ATRN: variants seen among roughly 807,000 people sequenced by gnomAD.
ATRN encodes attractin, also known as attractin-2.
ATRN carries 54 observed loss-of-function variants against 178.7 expected under a neutral mutation model. The ratio of observed to expected loss-of-function variants is 0.30; its 90% CI spans 0.24 to 0.38. The LOEUF (loss-of-function observed/expected upper bound fraction) is 0.38. Ranked by LOEUF, ATRN falls within the 10% of genes least tolerant of loss-of-function variation. The probability of loss-of-function intolerance (pLI) is 1.00; values close to 1 mark genes in which losing one functional copy is unlikely to be tolerated. For synonymous variants in ATRN, 636 were observed against 663.0 expected (o/e 0.96, Z 0.63); for missense variants, 1,443 against 1,815.1 (o/e 0.79, Z 3.73).
In ATRN at chr20:3,471,151, G is replaced by GGACGGCGGC. The variant is rs1405678685; in HGVS notation, c.51_59dup (p.Thr19_Ala21dup). ...GCAACTGAGGCAAGGCTGAGGAGGA[G>GGACGGCGGC]GACGGCGGCGACGGCAGCGCTCGCG... On this transcript the variant is annotated inframe_insertion, in exon 1 of 29. Transcript: ENST00000262919. 23 of 1,507,208 alleles carry GGACGGCGGC rather than the reference G, an allele frequency of 1.5e-5. No individual in the cohort carries two copies. The highest frequency in any genetic ancestry group is 2.0e-5 in the Non-Finnish European group (23 of 1,134,764). 93.4% of individuals were successfully genotyped at this position (1,507,208 alleles called of 1,614,324 possible).
Position 3,584,856 on chromosome 20 carries a change from A to G in ATRN, c.3160A>G (p.Asn1054Asp). ...SSMCLEDSRY[N>D]WSFIHCPACQ... ...CATGTGTCTAGAGGACAGCAGATAC[A>G]ACTGGTCTTTCATTCACTGTCCAGG... The change falls in exon 18 of 29, where the codon AAC becomes GAC. Residue 1054 changes from asparagine (N) to aspartate (D), a missense_variant. Asn to Asp is a conservative substitution (Grantham distance 23). This residue lies in a region of ATRN where 80 missense variants were observed against 71.5 expected (regional missense o/e 1.12). Transcript: ENST00000262919. 1 of 1,614,190 alleles carries G rather than the reference A, an allele frequency of 6.2e-7. No homozygotes were observed. Among genetic ancestry groups the G allele is most frequent in the Non-Finnish European group, 8.5e-7 (1 of 1,180,002 alleles).
intron 8 of ATRN, 103 bp downstream of exon 8, chr20:3,561,008 G>A (rs1390016248): frequency 2.1e-6 from 3 of 1,401,618 alleles, no homozygotes; most frequent in Non-Finnish European, 2.0e-6. Context: ...TCTTGATTCG[G>A]TACTTTATCT....
At chr20:3,536,039 A>G (rs1455630889) in intron 2 of ATRN, among the ~76,000 whole-genome samples, 2 of 151,996 alleles carry the variant, frequency 1.3e-5, no homozygotes, top group Non-Finnish European at 2.9e-5. Flanking sequence ...AATAACTGTT[A>G]TTGCCTAAAT....
At chr20:3,492,220 A>G (rs886726024) in intron 1 of ATRN, among the ~76,000 whole-genome samples, 26 of 141,220 alleles carry the variant, frequency 1.8e-4, no homozygotes, top group African/African-American at 6.4e-4. Context: ...TTCTCTGGGC[A>G]GGGAGGGGAA....
chr20:3,597,778 C>G (rs959362221), intron 21 of ATRN, 128 bp from the exon 22 acceptor site: 2 of 564,534 alleles, frequency 3.5e-6, no homozygotes, highest in African/African-American at 3.7e-5. Context: ...TTTGAGGAAC[C>G]TGGGTACAGC....
intron 1 of ATRN, among the ~76,000 whole-genome samples, chr20:3,504,688 G>GGTA (rs2085013597): frequency 7.4e-6 from 1 of 135,934 alleles, no homozygotes; most frequent in Middle Eastern, 3.8e-3. Context: ...TCTGTCTTAA[G>GGTA]ATAATAATAA....
At chr20:3,570,195 T>C (rs950797743) in intron 11 of ATRN, among the ~76,000 whole-genome samples, 1 of 152,160 alleles carries the variant, frequency 6.6e-6, no homozygotes, top group African/African-American at 2.4e-5. Context: ...AAGATCCATA[T>C]GTTACAATTG....
chr20:3,592,080 C>G (rs555388928), intron 19 of ATRN, among the ~76,000 whole-genome samples: 1 of 152,274 alleles, frequency 6.6e-6, no homozygotes, highest in East Asian at 1.9e-4. Context: ...CTCCTCAATA[C>G]TTATAGTGTA....
At chr20:3,617,724 A>G (rs1009699831) in intron 24 of ATRN, among the ~76,000 whole-genome samples, 3 of 152,150 alleles carry the variant, frequency 2.0e-5, no homozygotes, top group African/African-American at 7.2e-5. Flanking sequence ...TAAAGGTATG[A>G]GTATATGATT....
intron 26 of ATRN, among the ~76,000 whole-genome samples, chr20:3,636,367 T>G (rs1178336647): frequency 1.3e-5 from 2 of 152,162 alleles, no homozygotes; most frequent in Non-Finnish European, 2.9e-5. Context: ...ATCATGTCAA[T>G]GGGGAAAAAA....
intron 1 of ATRN, among the ~76,000 whole-genome samples, chr20:3,509,118 C>T (rs1271172728): frequency 2.0e-5 from 3 of 151,868 alleles, no homozygotes; most frequent in Non-Finnish European, 4.4e-5. Context: ...AAACAAATAG[C>T]GAGACAGTAG....
intron 24 of ATRN, among the ~76,000 whole-genome samples, chr20:3,620,155 T>A (rs1487417344): frequency 7.1e-6 from 1 of 141,700 alleles, no homozygotes; most frequent in Non-Finnish European, 1.6e-5. Context: ...AGGCGAGGAT[T>A]TTTTTTTTTC....
intron 1 of ATRN, among the ~76,000 whole-genome samples, chr20:3,481,074 A>G (rs1035235470): frequency 6.6e-6 from 1 of 152,112 alleles, no homozygotes; most frequent in Non-Finnish European, 1.5e-5. Context: ...AGTGACTTCC[A>G]TCTATATACT....
At chr20:3,640,220 TTAAA>T (rs1396548978) in intron 27 of ATRN, among the ~76,000 whole-genome samples, 1 of 152,212 alleles carries the variant, frequency 6.6e-6, no homozygotes, top group Non-Finnish European at 1.5e-5. Context: ...TTGAAATTTT[TTAAA>T]TAAATAAACT....
chr20:3,582,134 G>T lies in ATRN; in HGVS notation c.2545-1G>T. ...CATAGTTGTGTCTCTTTTGCCTTTA[G>T]TCCAAGCTCACCTTAACCCCATGGG... On this transcript the variant is annotated splice_acceptor_variant, in intron 15 of 28. Coordinates refer to ENST00000262919, the MANE Select transcript of ATRN (RefSeq NM_139321.3). LOFTEE classifies it high-confidence loss of function. The T allele has an allele frequency of 6.2e-7, 1 of 1,613,484 alleles. No individual in the cohort carries two copies. Among genetic ancestry groups the T allele is most frequent in the Non-Finnish European group, 8.5e-7 (1 of 1,179,438 alleles).
At chr20:3,502,089 C>T (rs2084972458) in intron 1 of ATRN, among the ~76,000 whole-genome samples, 1 of 152,072 alleles carries the variant, frequency 6.6e-6, no homozygotes, top group African/African-American at 2.4e-5. Flanking sequence ...CAGCATCAAG[C>T]ATTGCCTCAA....
At chr20:3,512,119 T>TTA (rs1191334478) in intron 1 of ATRN, among the ~76,000 whole-genome samples, 2 of 132,346 alleles carry the variant, frequency 1.5e-5, no homozygotes, top group African/African-American at 5.7e-5. Context: ...TTTTTTTTTT[T>TTA]ATTATACTTT....
Position 3,578,691 on chromosome 20 carries a change from C to T in ATRN, c.2463C>T (p.Ala821=). The T allele has an allele frequency of 6.2e-7, 1 of 1,614,018 alleles. No homozygotes were observed. The highest frequency in any genetic ancestry group is 8.5e-7 in the Non-Finnish European group (1 of 1,179,956). Residue 821 remains alanine (A), a synonymous_variant, in exon 15 of 29, where the codon GCC becomes GCT. Transcript: ENST00000262919. ...NAKLFCRNHN[A]LLASLTTQKK... ...AATTGTTCTGTAGGAACCACAATGC[C>T]CTTTTGGCTTCTCTTACAACCCAGA... is the stretch of plus-strand genomic sequence containing the variant.
At chr20:3,477,944 C>T (rs1259600380) in intron 1 of ATRN, among the ~76,000 whole-genome samples, 3 of 152,124 alleles carry the variant, frequency 2.0e-5, no homozygotes, top group African/African-American at 4.8e-5. Flanking sequence ...AACTTCTATC[C>T]TCATTGAAAA....
Sources: allele counts gnomAD v4.1 joint callset (sites outside exome capture counted in the v4.1 genomes callset), GRCh38; gene constraint gnomAD v4.1.1; regional missense constraint gnomAD v4.1.1; transcripts MANE v1.5; gene names NCBI Gene and HGNC (gene_info 2026-07-23, HGNC 2026-07-21).